Variants in SPOCK1 observed in about 807,000 individuals in gnomAD.
SPOCK1 encodes testican-1.
In SPOCK1, 23 loss-of-function variants were observed where a neutral mutation model predicts 55.3. That is an observed-to-expected ratio of 0.42 (90% CI 0.30 to 0.59). The LOEUF (loss-of-function observed/expected upper bound fraction) is 0.59, where lower values mean the gene tolerates loss of function less well. Among genes scored for constraint, SPOCK1 ranks in the 20% least tolerant of loss-of-function variants. SPOCK1 has a pLI of 0.22. For synonymous variants in SPOCK1, 226 were observed against 221.0 expected (o/e 1.02, Z -0.20); for missense variants, 499 against 552.5 (o/e 0.90, Z 0.97).
chr5:137,475,374 C>A (rs189466013), intron 2 of SPOCK1, among the ~76,000 whole-genome samples: 2 of 151,962 alleles, frequency 1.3e-5, no homozygotes, highest in African/African-American at 4.8e-5. Flanking sequence ...TCTCACAGAT[C>A]CTGGAATGGA....
chr5:137,205,747 A>G (rs1011875468), intron 3 of SPOCK1, among the ~76,000 whole-genome samples: 4 of 152,258 alleles, frequency 2.6e-5, no homozygotes, highest in African/African-American at 9.6e-5. Context: ...TCTCTGTGCC[A>G]TAATAGCCTG....
intron 2 of SPOCK1, among the ~76,000 whole-genome samples, chr5:137,333,121 C>T (rs1045934346): frequency 2.0e-4 from 31 of 152,168 alleles, no homozygotes; most frequent in Admixed American, 1.2e-3. Context: ...ATCACATGCT[C>T]AGGTGATTCT....
At chr5:137,174,228 G>A (rs911607042) in intron 3 of SPOCK1, among the ~76,000 whole-genome samples, 1 of 152,184 alleles carries the variant, frequency 6.6e-6, no homozygotes, top group Non-Finnish European at 1.5e-5. Context: ...GACTCTTTCT[G>A]CAACTTCAAT....
At chr5:137,269,096 T>C (rs188728647) in intron 2 of SPOCK1, among the ~76,000 whole-genome samples, 23 of 138,038 alleles carry the variant, frequency 1.7e-4, no homozygotes, top group Non-Finnish European at 3.0e-4. Flanking sequence ...TTTTTACCTA[T>C]TTCTTAGGGA....
chr5:137,140,729 G>A (rs376103132), intron 3 of SPOCK1, 35 bp from the exon 4 acceptor site: 11 of 1,167,214 alleles, frequency 9.4e-6, no homozygotes, highest in Non-Finnish European at 1.3e-5. Context: ...CAGGGTTTAG[G>A]ACCTCCAGGG....
At chr5:137,111,569 C>T (rs1753472626) in intron 5 of SPOCK1, among the ~76,000 whole-genome samples, 1 of 152,120 alleles carries the variant, frequency 6.6e-6, no homozygotes, top group Admixed American at 6.5e-5. Flanking sequence ...AAGCAAACTC[C>T]TATCAATTCT....
intron 3 of SPOCK1, among the ~76,000 whole-genome samples, chr5:137,157,856 T>A (rs1754448802): frequency 6.6e-6 from 1 of 152,188 alleles, no homozygotes; most frequent in South Asian, 2.1e-4. Flanking sequence ...GGTCAGGAGA[T>A]CAAGACCAGT....
At chr5:137,051,707 G>GA (rs918119882) in intron 6 of SPOCK1, among the ~76,000 whole-genome samples, 4 of 151,728 alleles carry the variant, frequency 2.6e-5, no homozygotes, top group Non-Finnish European at 4.4e-5. Flanking sequence ...AAACTATTGA[G>GA]AAAAAAAATC....
chr5:137,302,896 T>C (rs933774742), intron 2 of SPOCK1, among the ~76,000 whole-genome samples: 1 of 152,294 alleles, frequency 6.6e-6, no homozygotes, highest in East Asian at 1.9e-4. Context: ...TATTTTCAGA[T>C]GTGGAACAGG....
At chr5:137,224,165 A>G (rs550031936) in intron 3 of SPOCK1, among the ~76,000 whole-genome samples, 4 of 152,324 alleles carry the variant, frequency 2.6e-5, no homozygotes, top group African/African-American at 9.6e-5. Context: ...CTTTGCCACA[A>G]CTTTTCTACA....
In SPOCK1 at chr5:137,312,572, C is replaced by T. The variant is rs536672979; in HGVS notation, c.187-45517G>A. ...TAATTTAAATTCAGATGCTGGGTTA[C>T]GAATTATATTATTCCAAGAAGTGCC... On this transcript the variant is annotated intron_variant, in intron 2 of 10. Transcript: ENST00000394945. Among the ~76,000 whole-genome samples, 10 of 152,124 alleles carry T rather than the reference C, an allele frequency of 6.6e-5. No individual in the cohort carries two copies. The South Asian group carries it at 1.9e-3, about 28-fold the overall frequency.
chr5:137,299,874 G>T (rs1401487422), intron 2 of SPOCK1, among the ~76,000 whole-genome samples: 1 of 152,028 alleles, frequency 6.6e-6, no homozygotes, highest in African/African-American at 2.4e-5. Flanking sequence ...ATATACCTAA[G>T]TGCAGATTTC....
chr5:137,390,940 G>A (rs1268262710), intron 2 of SPOCK1, among the ~76,000 whole-genome samples: 1 of 152,124 alleles, frequency 6.6e-6, no homozygotes, highest in African/African-American at 2.4e-5. Flanking sequence ...TGCAGAACGT[G>A]CAGGTTTGTT....
chr5:137,155,139 CTT>C (rs1754391134), intron 3 of SPOCK1, among the ~76,000 whole-genome samples: 1 of 152,234 alleles, frequency 6.6e-6, no homozygotes. Context: ...AGTTTCAACT[CTT>C]TCCCACATGA....
At chr5:137,409,547 T>C (rs1482149173) in intron 2 of SPOCK1, among the ~76,000 whole-genome samples, 1 of 152,188 alleles carries the variant, frequency 6.6e-6, no homozygotes, top group Non-Finnish European at 1.5e-5. Flanking sequence ...GGCATAATGA[T>C]AGTACCCATC....
intron 3 of SPOCK1, among the ~76,000 whole-genome samples, chr5:137,160,829 T>TA (rs1193243359): frequency 1.4e-5 from 2 of 143,264 alleles, no homozygotes; most frequent in African/African-American, 5.1e-5. Context: ...CTAAAAGAGC[T>TA]AAAAATGTAA....
intron 9 of SPOCK1, among the ~76,000 whole-genome samples, chr5:136,984,209 T>TAACTC (rs1349590877): frequency 1.3e-5 from 2 of 152,152 alleles, no homozygotes; most frequent in African/African-American, 4.8e-5. Context: ...CATTTTGAAA[T>TAACTC]AACTCAAAAA....
intron 6 of SPOCK1, among the ~76,000 whole-genome samples, chr5:137,059,375 T>G (rs1453908400): frequency 6.6e-6 from 1 of 152,158 alleles, no homozygotes; most frequent in African/African-American, 2.4e-5. Flanking sequence ...TATGGATGAG[T>G]AAAGTTAAAA....
chr5:137,010,592 G>C (rs1401450638), intron 6 of SPOCK1, among the ~76,000 whole-genome samples: 3 of 152,094 alleles, frequency 2.0e-5, no homozygotes, highest in Non-Finnish European at 2.9e-5. Context: ...TAGGGGGCTT[G>C]CTCACTCCAG....
Sources: gnomAD v4.1 joint callset for allele counts (sites outside exome capture counted in the v4.1 genomes callset) on GRCh38, gnomAD v4.1.1 for gene constraint, MANE v1.5 for transcripts, NCBI Gene and HGNC (gene_info 2026-07-23, HGNC 2026-07-21) for gene names.